N4BP2: variants seen among roughly 807,000 people sequenced by gnomAD.
The protein encoded by N4BP2 is NEDD4-binding protein 2.
In N4BP2, 91 loss-of-function variants were observed where a neutral mutation model predicts 152.8. That is an observed-to-expected ratio of 0.60 (90% CI 0.50 to 0.71). N4BP2 has a LOEUF of 0.71. Among genes scored for constraint, N4BP2 ranks in the 30% least tolerant of loss-of-function variants. N4BP2 has a pLI of 0.00. For synonymous variants in N4BP2, 646 were observed against 705.3 expected, an observed-to-expected ratio of 0.92 and a Z score of 1.33; for missense variants, 1,923 against 2,059.1, an observed-to-expected ratio of 0.93 and a Z score of 1.28.
At chr4:40,122,381 T>C in intron 9 of N4BP2, 72 bp downstream of exon 9, 1 of 1,108,700 alleles carries the variant, frequency 9.0e-7, no homozygotes, top group East Asian at 2.6e-5. Flanking sequence ...TTTTGTATTT[T>C]TTTTTTTTCT....
At chr4:40,161,784 C>G (rs897776735), downstream of N4BP2, among the ~76,000 whole-genome samples, 10 of 152,098 alleles carry the variant, frequency 6.6e-5, no homozygotes, top group African/African-American at 2.4e-4. Context: ...ATTCAAAGCT[C>G]TATAAAAAAG....
In N4BP2 at chr4:40,120,522, A is replaced by G; in HGVS notation, c.2411A>G (p.Asn804Ser). 1 of 1,613,342 alleles carries G rather than the reference A, an allele frequency of 6.2e-7. No individual in the cohort carries two copies. The highest frequency in any genetic ancestry group is 2.2e-5 in the East Asian group (1 of 44,890). ...ACTATTGGTCAGAGGACAAAAAGGA[A>G]CAGAAAAACTGAAAAAACTTCATCC... is the stretch of plus-strand genomic sequence containing the variant. Reference protein sequence around the residue: ...DKTIGQRTKRNRKTEKTSSVQ... With the variant: ...DKTIGQRTKRSRKTEKTSSVQ... The change falls in exon 9 of 18, where the codon AAC (asparagine) becomes AGC (serine). Residue 804 changes from asparagine (N) to serine (S), a missense_variant. Physicochemically the swap from Asn to Ser is conservative, Grantham distance 46. Transcript: ENST00000261435.
chr4:40,074,164 C>T (rs1295290850), intron 2 of N4BP2, among the ~76,000 whole-genome samples: 1 of 151,732 alleles, frequency 6.6e-6, no homozygotes, highest in South Asian at 2.1e-4. Context: ...GATCTTGGCT[C>T]ACTGCAACTT....
chr4:40,060,826 A>G (rs2109881941), intron 1 of N4BP2, among the ~76,000 whole-genome samples: 1 of 152,204 alleles, frequency 6.6e-6, no homozygotes, highest in East Asian at 1.9e-4. Context: ...GCTGGTCACA[A>G]ACTTGTGGGC....
At chr4:40,101,641 T>G (rs1715664188) in intron 3 of N4BP2, among the ~76,000 whole-genome samples, 1 of 152,222 alleles carries the variant, frequency 6.6e-6, no homozygotes, top group African/African-American at 2.4e-5. Context: ...GCGTGGATCA[T>G]GTAAATAAGT....
chr4:40,086,486 C>T (rs913305886), intron 2 of N4BP2, among the ~76,000 whole-genome samples: 10 of 151,438 alleles, frequency 6.6e-5, no homozygotes, highest in Non-Finnish European at 8.8e-5. Context: ...TACAGGTGTG[C>T]GCCACCATGC....
At chr4:40,122,842 G>C (rs1369711436) in intron 9 of N4BP2, among the ~76,000 whole-genome samples, 1 of 152,148 alleles carries the variant, frequency 6.6e-6, no homozygotes, top group African/African-American at 2.4e-5. Context: ...TTATTGAAAA[G>C]TCTTGACTAA....
rs1449283756 is a variant in N4BP2 at position 40,144,636 on chromosome 4, C to T, written c.4979C>T (p.Thr1660Ile). ...NVATFYAQQG[T>I]LHEQKMKEAN... The stretch of plus-strand genomic sequence containing the variant: ...GGTGATATGTTTATGATTTAGGGTA[C>T]TCTTCATGAGCAGAAGATGAAAGAA... The change falls in exon 16 of 18, where the codon ACT becomes ATT. Residue 1660 changes from threonine (T) to isoleucine (I), a missense_variant. Transcript: ENST00000261435. 31 of 1,608,524 alleles carry T rather than the reference C, an allele frequency of 1.9e-5. No homozygotes were observed. Among genetic ancestry groups the T allele is most frequent in the Non-Finnish European group, 2.5e-5 (29 of 1,177,562 alleles).
chr4:40,131,887 A>T lies in N4BP2; in HGVS notation c.4614A>T (p.Gln1538His), dbSNP rs542505225. 6.2e-7 allele frequency: 1 copy of T among 1,613,276 alleles called. No individual in the cohort carries two copies. The highest frequency in any genetic ancestry group is 1.1e-5 in the South Asian group (1 of 91,034). Residue 1538 changes from glutamine to histidine, a missense_variant, in exon 13 of 18, where the codon CAA becomes CAT. By Grantham distance (24) the Gln-to-His change is conservative. Coordinates refer to ENST00000261435, the MANE Select transcript of N4BP2 (RefSeq NM_018177.6). ...TTAAGATATTTCCAGCCATTAACCA[A>T]AATTTTCTGGTGGACATTTTCAAGG... is the stretch of plus-strand genomic sequence containing the variant. ...QLFKIFPAIN[Q>H]NFLVDIFKDH... is the part of the protein sequence containing the mutation.
chr4:40,170,287 TAAAAA>T, the N4BP2 span, among the ~76,000 whole-genome samples: 9 of 152,158 alleles, frequency 5.9e-5, no homozygotes, highest in African/African-American at 2.2e-4. Flanking sequence ...AGATTACAAA[TAAAAA>T]AGAAAATGAA....
chr4:40,161,196 G>A (rs1721850754), downstream of N4BP2, among the ~76,000 whole-genome samples: 1 of 152,194 alleles, frequency 6.6e-6, no homozygotes, highest in African/African-American at 2.4e-5. Flanking sequence ...GCCGCCACTA[G>A]CTGCCTGACA....
chr4:40,180,813 T>A, the N4BP2 span, among the ~76,000 whole-genome samples: 2 of 152,158 alleles, frequency 1.3e-5, no homozygotes, highest in African/African-American at 4.8e-5. Context: ...AAAACAAAAA[T>A]AAGTTGTAAA....
At chr4:40,187,389 G>A in the N4BP2 span, among the ~76,000 whole-genome samples, 1 of 152,210 alleles carries the variant, frequency 6.6e-6, no homozygotes, top group Non-Finnish European at 1.5e-5. Context: ...TAATTAAAAC[G>A]ACACTGGTCA....
At chr4:40,134,854 CTTCT>C (rs946392018) in intron 13 of N4BP2, among the ~76,000 whole-genome samples, 87 of 151,642 alleles carry the variant, frequency 5.7e-4, no homozygotes, top group East Asian at 2.1e-3. Context: ...TGCTTTCTTG[CTTCT>C]TTCTTTCTTT....
intron 16 of N4BP2, among the ~76,000 whole-genome samples, chr4:40,148,416 G>C (rs1714385): frequency 0.096 from 14,405 of 150,800 alleles, 692 homozygotes; most frequent in Middle Eastern, 0.12. Flanking sequence ...GTCCAGCTTC[G>C]GCTCGGCATC....
rs1389986520 is a variant in N4BP2, at chr4:40,102,058, T to G, written c.230-17T>G. ...GTCTATATTTTTGTTGTTGTTATTA[T>G]TCTTGTTGTTGTACAGTTGAAAATG... On this transcript the variant is annotated splice_polypyrimidine_tract_variant and intron_variant, in intron 3 of 17. Transcript: ENST00000261435. The G allele has an allele frequency of 6.8e-7, 1 of 1,466,206 alleles. No individual in the cohort carries two copies. Among genetic ancestry groups the G allele is most frequent in the Non-Finnish European group, 9.2e-7 (1 of 1,087,566 alleles). 90.8% of individuals were successfully genotyped at this position (1,466,206 alleles called of 1,614,324 possible). A position where few individuals can be genotyped will look rare whatever the true frequency, so the allele number is the denominator to read the frequency against.
intron 16 of N4BP2, among the ~76,000 whole-genome samples, chr4:40,151,141 A>G (rs759492789): frequency 3.3e-5 from 5 of 152,266 alleles, no homozygotes; most frequent in Non-Finnish European, 7.3e-5. Context: ...TGAATCAACT[A>G]GAGAATATTT....
chr4:40,135,516 AT>A (rs1183862925), intron 13 of N4BP2, among the ~76,000 whole-genome samples: 2 of 152,152 alleles, frequency 1.3e-5, no homozygotes, highest in African/African-American at 4.8e-5. Context: ...TCCCTGAGGA[AT>A]CGCCACACTG....
chr4:40,151,415 G>C (rs1237074506), intron 16 of N4BP2, among the ~76,000 whole-genome samples: 3 of 152,002 alleles, frequency 2.0e-5, no homozygotes, highest in Non-Finnish European at 4.4e-5. Flanking sequence ...GGGACTACAG[G>C]TGCGCCTCGC....
Sources: allele counts gnomAD v4.1 joint callset (sites outside exome capture counted in the v4.1 genomes callset), GRCh38; gene constraint gnomAD v4.1.1; transcripts MANE v1.5; gene names NCBI Gene and HGNC (gene_info 2026-07-23, HGNC 2026-07-21).